ZC3H12C: variants seen among roughly 807,000 people sequenced by gnomAD.
ZC3H12C encodes zinc finger CCCH-type containing 12C.
A neutral mutation model predicts 76.3 loss-of-function variants in ZC3H12C; 20 were observed. The observed-to-expected ratio is 0.26, with a 90% CI of 0.18 to 0.38. The LOEUF (loss-of-function observed/expected upper bound fraction) is 0.38, where lower values mean the gene tolerates loss of function less well. Ranked by LOEUF, ZC3H12C falls within the 10% of genes least tolerant of loss-of-function variation. The pLI is 1.00. For missense variants in ZC3H12C, 874 were observed against 1,086.5 expected, an observed-to-expected ratio of 0.80 and a Z score of 2.75; for synonymous variants, 352 against 399.6, an observed-to-expected ratio of 0.88 and a Z score of 1.42.
intron 1 of ZC3H12C, among the ~76,000 whole-genome samples, chr11:110,123,569 T>G (rs1402824483): frequency 1.3e-5 from 2 of 152,192 alleles, no homozygotes; most frequent in East Asian, 3.8e-4. Flanking sequence ...GACGGAAAGA[T>G]TTTCATAAAC....
chr11:110,101,677 A>G (rs1389415693), intron 1 of ZC3H12C, among the ~76,000 whole-genome samples: 1 of 151,856 alleles, frequency 6.6e-6, no homozygotes, highest in Admixed American at 6.6e-5. Flanking sequence ...CCTCCCGAGC[A>G]GCTGGGACTA....
intron 1 of ZC3H12C, among the ~76,000 whole-genome samples, chr11:110,113,752 A>G (rs1861476331): frequency 6.6e-6 from 1 of 152,168 alleles, no homozygotes. Flanking sequence ...TGTCTTTAGT[A>G]TCAAATCCTG....
At position 110,165,207 on chromosome 11, in the gene ZC3H12C, C is replaced by T. The variant is rs1203726740; in HGVS notation, c.2122C>T (p.Leu708=). The T allele has an allele frequency of 1.2e-6, 2 of 1,613,960 alleles. No individual in the cohort carries two copies. Among genetic ancestry groups the T allele is most frequent in the Non-Finnish European group, 1.7e-6 (2 of 1,179,910 alleles). ...HHKPPLPHLA[L]HLPHSAVGAR... ...CAAGCCTCCTCTTCCGCACCTGGCT[C>T]TGCACCTGCCGCACTCCGCTGTGGG... Residue 708 remains leucine (L), a synonymous_variant, in exon 6 of 6, where the codon CTG becomes TTG. Coordinates refer to ENST00000278590, the MANE Select transcript of ZC3H12C (RefSeq NM_033390.2).
At chr11:110,140,209 G>A (rs1565261656) in intron 2 of ZC3H12C, among the ~76,000 whole-genome samples, 2 of 152,040 alleles carry the variant, frequency 1.3e-5, no homozygotes, top group East Asian at 3.9e-4. Flanking sequence ...AGGATGGAAC[G>A]AGCCTGGAAG....
At chr11:110,117,869 TACACACACATATATATATTATATATATAC>T (rs1565252321) in intron 1 of ZC3H12C, among the ~76,000 whole-genome samples, 3 of 74,814 alleles carry the variant, frequency 4.0e-5, no homozygotes, top group East Asian at 4.7e-4. Flanking sequence ...ATAATATATA[TACACACACATATATATATTATATATATAC>T]ACACACACAT....
At chr11:110,163,206 T>C in intron 4 of ZC3H12C, 67 bp from the exon 5 acceptor site, 1 of 1,381,432 alleles carries the variant, frequency 7.2e-7, no homozygotes, top group Non-Finnish European at 9.9e-7. Flanking sequence ...CAAATCTTTG[T>C]ACTCTTTTTA....
intron 3 of ZC3H12C, among the ~76,000 whole-genome samples, chr11:110,155,264 A>C (rs1010454210): frequency 2.0e-5 from 3 of 150,510 alleles, no homozygotes; most frequent in Non-Finnish European, 4.4e-5. Flanking sequence ...ATGCCACTGC[A>C]CTCCAGCCTG....
At chr11:110,156,198 C>T (rs1417591434) in intron 3 of ZC3H12C, among the ~76,000 whole-genome samples, 2 of 114,392 alleles carry the variant, frequency 1.7e-5, no homozygotes, top group Non-Finnish European at 3.9e-5. Context: ...GGTAATAATT[C>T]TCTTAACTAA....
intron 1 of ZC3H12C, among the ~76,000 whole-genome samples, chr11:110,105,725 G>T (rs747887530): frequency 3.6e-4 from 55 of 151,584 alleles, no homozygotes; most frequent in Non-Finnish European, 5.3e-4. Context: ...GTTTTGTTTG[G>T]TTCTTGCTTT....
intron 1 of ZC3H12C, among the ~76,000 whole-genome samples, chr11:110,115,991 C>G (rs955518570): frequency 1.3e-5 from 2 of 152,004 alleles, no homozygotes; most frequent in Non-Finnish European, 2.9e-5. Context: ...AACTCCTGAC[C>G]TCAGGTGATC....
intron 1 of ZC3H12C, among the ~76,000 whole-genome samples, chr11:110,132,303 T>C (rs1861882560): frequency 6.6e-6 from 1 of 152,252 alleles, no homozygotes; most frequent in African/African-American, 2.4e-5. Context: ...GAAAATTTGG[T>C]CACTCGATGG....
intron 4 of ZC3H12C, among the ~76,000 whole-genome samples, chr11:110,161,457 A>G (rs1862480769): frequency 6.6e-6 from 1 of 152,234 alleles, no homozygotes; most frequent in Non-Finnish European, 1.5e-5. Context: ...AGCATGTCTC[A>G]TGAGAAGTAA....
rs748900928 is a variant in ZC3H12C at position 110,134,253 on chromosome 11, G to A, written c.22-2410G>A. On this transcript the variant is annotated intron_variant, in intron 1 of 5. Transcript: ENST00000278590. Reference sequence around the variant, plus strand: ...TTGGTTTGGCAGCTGCATTGTTCTCGGAGGGTAAACCAGACGCACTTAAGT... The same window carrying A: ...TTGGTTTGGCAGCTGCATTGTTCTCAGAGGGTAAACCAGACGCACTTAAGT... 6.6e-5 allele frequency among the ~76,000 whole-genome samples: 10 copies of A among 152,038 alleles called. No individual in the cohort carries two copies. The South Asian group carries it at 8.3e-4, about 13-fold the overall frequency.
chr11:110,134,621 A>G (rs554183144), intron 1 of ZC3H12C, among the ~76,000 whole-genome samples: 6 of 152,174 alleles, frequency 3.9e-5, no homozygotes, highest in Non-Finnish European at 8.8e-5. Context: ...ATGCATATCT[A>G]TATTAATAGG....
chr11:110,111,839 G>A (rs926191260), intron 1 of ZC3H12C, among the ~76,000 whole-genome samples: 4 of 151,612 alleles, frequency 2.6e-5, no homozygotes, highest in Non-Finnish European at 4.4e-5. Flanking sequence ...CACTGTACCT[G>A]GCCCCCAGTA....
At chr11:110,149,916 C>T (rs1862240441) in intron 2 of ZC3H12C, among the ~76,000 whole-genome samples, 1 of 151,984 alleles carries the variant, frequency 6.6e-6, no homozygotes, top group South Asian at 2.1e-4. Flanking sequence ...AGTTCTATGT[C>T]TTGTTTAAGA....
intron 3 of ZC3H12C, among the ~76,000 whole-genome samples, chr11:110,156,828 G>C (rs1179893666): frequency 6.6e-6 from 1 of 152,164 alleles, no homozygotes; most frequent in Non-Finnish European, 1.5e-5. Context: ...CTATATGACA[G>C]CTCCTATAAT....
intron 1 of ZC3H12C, 142 bp downstream of exon 1, chr11:110,093,574 C>G (rs1175566590): frequency 1.9e-6 from 1 of 539,402 alleles, no homozygotes; most frequent in African/African-American, 2.0e-5. Context: ...CGTGTGATCT[C>G]CAGGCCCAGG....
intron 1 of ZC3H12C, among the ~76,000 whole-genome samples, chr11:110,094,581 A>G (rs1272981373): frequency 1.3e-5 from 2 of 152,278 alleles, no homozygotes; most frequent in African/African-American, 4.8e-5. Context: ...CTTAGGATTT[A>G]GAGGGTATGA....
Sources: allele counts gnomAD v4.1 joint callset (sites outside exome capture counted in the v4.1 genomes callset), GRCh38; gene constraint gnomAD v4.1.1; transcripts MANE v1.5; gene names NCBI Gene and HGNC (gene_info 2026-07-23, HGNC 2026-07-21).